TPST1: variants seen among roughly 807,000 people sequenced by gnomAD.
The protein encoded by TPST1 is tyrosylprotein sulfotransferase 1, also known as protein-tyrosine sulfotransferase 1.
TPST1 carries 20 observed loss-of-function variants against 34.8 expected under a neutral mutation model. That is an observed-to-expected ratio of 0.57 (90% confidence interval 0.40 to 0.84). TPST1 has a LOEUF of 0.84. Ranked by LOEUF, TPST1 falls within the 40% of genes least tolerant of loss-of-function variation. TPST1 has a pLI of 0.00. For synonymous variants in TPST1, 152 were observed against 159.4 expected (o/e 0.95, Z 0.35); for missense variants, 353 against 455.5 (o/e 0.78, Z 2.05).
chr7:66,240,318 C>T lies in TPST1; in HGVS notation c.-101-7C>T, dbSNP rs1454069966. 1.5e-6 allele frequency: 2 copies of T among 1,334,484 alleles called. No homozygotes were observed. Among genetic ancestry groups the T allele is most frequent in the East Asian group, 2.5e-5 (1 of 40,084 alleles). 82.7% of individuals were successfully genotyped at this position (1,334,484 alleles called of 1,614,324 possible). ...AATGATAAATAACCTTTTCCTTTCT[C>T]TACTAGATGTTGGTTATCTTTCTGA... is the stretch of plus-strand genomic sequence containing the variant. On this transcript the variant is annotated splice_region_variant and splice_polypyrimidine_tract_variant and intron_variant, in intron 1 of 5. Coordinates refer to ENST00000304842, the MANE Select transcript of TPST1 (RefSeq NM_003596.4).
chr7:66,215,815 C>T (rs186682279), intron 1 of TPST1, among the ~76,000 whole-genome samples: 206 of 140,924 alleles, frequency 1.5e-3, no homozygotes, highest in African/African-American at 5.4e-3. Context: ...CTTTGTCGCC[C>T]AGGCTGGAGT....
chr7:66,279,145 CAGTGCTTAGCT>C, intron 2 of TPST1, among the ~76,000 whole-genome samples: 1 of 152,272 alleles, frequency 6.6e-6, no homozygotes, highest in East Asian at 1.9e-4. Flanking sequence ...TATGTGTGCT[CAGTGCTTAGCT>C]AGCACTTATA....
intron 4 of TPST1, among the ~76,000 whole-genome samples, chr7:66,354,623 C>T (rs185735190): frequency 3.3e-5 from 5 of 149,828 alleles, no homozygotes; most frequent in Admixed American, 3.3e-4. Context: ...ACTAAAGGGA[C>T]ACTCCTGCTT....
chr7:66,322,552 G>A (rs186666064), intron 3 of TPST1, among the ~76,000 whole-genome samples: 257 of 152,310 alleles, frequency 1.7e-3, no homozygotes, highest in African/African-American at 4.4e-3. Context: ...CCATGTTACA[G>A]GATGTGACAG....
intron 2 of TPST1, among the ~76,000 whole-genome samples, chr7:66,273,804 AAT>A (rs1491216085): frequency 3.3e-5 from 5 of 150,852 alleles, no homozygotes; most frequent in African/African-American, 7.3e-5. Flanking sequence ...GAAAAAAAAA[AAT>A]TTTTTTTTTC....
rs12670811 is a variant in TPST1 at position 66,358,032 on chromosome 7, C to T, written c.*29+1161C>T. Among the ~76,000 whole-genome samples the T allele has an allele frequency of 4.0e-5, 6 of 151,516 alleles. No individual in the cohort carries two copies. In the South Asian group the frequency reaches 1.2e-3, roughly 31 times the overall value. ...CCAAGAGGTGGATGTTACAGTAAGC[C>T]GAAATCGTGCCATTGCACTCCAGCC... On this transcript the variant is annotated intron_variant, in intron 5 of 5. Coordinates refer to ENST00000304842, the MANE Select transcript of TPST1 (RefSeq NM_003596.4).
chr7:66,259,939 G>A (rs1179100970), intron 2 of TPST1, among the ~76,000 whole-genome samples: 1 of 151,956 alleles, frequency 6.6e-6, no homozygotes, highest in Non-Finnish European at 1.5e-5. Context: ...CAGCCCCTTG[G>A]CAACCACTGA....
At chr7:66,243,640 A>G (rs1252935962) in intron 2 of TPST1, among the ~76,000 whole-genome samples, 5 of 100,450 alleles carry the variant, frequency 5.0e-5, no homozygotes, top group Non-Finnish European at 6.0e-5. Context: ...TATTTTTGGT[A>G]GAGCCCCATG....
intron 1 of TPST1, among the ~76,000 whole-genome samples, chr7:66,235,208 C>T (rs1418881201): frequency 7.7e-6 from 1 of 130,030 alleles, no homozygotes; most frequent in Non-Finnish European, 1.6e-5. Context: ...TTTTTTGAGA[C>T]AGAGTCTTGC....
intron 1 of TPST1, among the ~76,000 whole-genome samples, chr7:66,221,981 G>T (rs1249235793): frequency 1.3e-5 from 2 of 151,948 alleles, no homozygotes; most frequent in African/African-American, 2.4e-5. Context: ...ATAGTTCCTT[G>T]TTTCATTTTC....
intron 3 of TPST1, among the ~76,000 whole-genome samples, chr7:66,318,554 C>G (rs1791684079): frequency 1.3e-5 from 2 of 152,106 alleles, no homozygotes; most frequent in South Asian, 2.1e-4. Context: ...GCAACCTCCC[C>G]CTCCTGGGTT....
intron 1 of TPST1, among the ~76,000 whole-genome samples, chr7:66,233,158 T>G (rs1349073519): frequency 6.6e-6 from 1 of 152,226 alleles, no homozygotes; most frequent in African/African-American, 2.4e-5. Flanking sequence ...TTGGTTTGTC[T>G]TTCACTTTCT....
chr7:66,204,895 A>T (rs568591054), upstream of TPST1, among the ~76,000 whole-genome samples: 1 of 152,352 alleles, frequency 6.6e-6, no homozygotes, highest in East Asian at 1.9e-4. Flanking sequence ...GTGGGCTCTG[A>T]AGCAGAGGAG....
intron 4 of TPST1, among the ~76,000 whole-genome samples, chr7:66,355,251 A>C (rs990900813): frequency 6.6e-6 from 1 of 151,820 alleles, no homozygotes; most frequent in African/African-American, 2.4e-5. Flanking sequence ...AGGCGGCTGG[A>C]TCACGAGGGC....
chr7:66,270,062 T>C (rs1275698762), intron 2 of TPST1, among the ~76,000 whole-genome samples: 3 of 152,100 alleles, frequency 2.0e-5, no homozygotes, highest in Non-Finnish European at 2.9e-5. Flanking sequence ...AGTAGTCTCA[T>C]TGAGAAGGTG....
At chr7:66,328,906 A>ATCTATATTT (rs1299138303) in intron 3 of TPST1, among the ~76,000 whole-genome samples, 1 of 13,158 alleles carries the variant, frequency 7.6e-5, no homozygotes, top group Non-Finnish European at 1.2e-4. Flanking sequence ...ATATATATAT[A>ATCTATATTT]TTTTTTTTTT....
At chr7:66,324,328 G>C (rs531005625) in intron 3 of TPST1, among the ~76,000 whole-genome samples, 1 of 152,264 alleles carries the variant, frequency 6.6e-6, no homozygotes, top group South Asian at 2.1e-4. Context: ...GACAAGGAAG[G>C]CCACTGGGTC....
At chr7:66,265,938 AAACCAAAACTGTGAG>A (rs1056164005) in intron 2 of TPST1, among the ~76,000 whole-genome samples, 6 of 152,238 alleles carry the variant, frequency 3.9e-5, no homozygotes, top group African/African-American at 7.2e-5. Flanking sequence ...TATTCCTCAT[AAACCAAAACTGTGAG>A]AATTGTAGCT....
chr7:66,199,438 G>T, the TPST1 span, among the ~76,000 whole-genome samples: 1 of 151,004 alleles, frequency 6.6e-6, no homozygotes, highest in African/African-American at 2.4e-5. Flanking sequence ...GGGATTACAG[G>T]TGCCCACCAC....
Sources: gnomAD v4.1 joint callset for allele counts (sites outside exome capture counted in the v4.1 genomes callset) on GRCh38, gnomAD v4.1.1 for gene constraint, MANE v1.5 for transcripts, NCBI Gene and HGNC (gene_info 2026-07-23, HGNC 2026-07-21) for gene names.